Variants in STK38L observed in about 807,000 individuals in gnomAD.
STK38L encodes serine/threonine kinase 38 like.
A neutral mutation model predicts 59.7 loss-of-function variants in STK38L; 28 were observed. The ratio of observed to expected loss-of-function variants is 0.47; its 90% CI spans 0.35 to 0.64. The LOEUF (loss-of-function observed/expected upper bound fraction) is 0.64. STK38L is among the 30% of genes least tolerant of loss of function. The pLI, the probability that STK38L is intolerant of heterozygous loss-of-function variation, is 0.01. For missense variants in STK38L, 314 were observed against 555.8 expected (o/e 0.56, Z 4.37); for synonymous variants, 162 against 176.8 (o/e 0.92, Z 0.66).
Position 27,323,263 on chromosome 12 carries a change from CAA to C in STK38L, c.*809_*810del, listed in dbSNP as rs1388484050. The C allele has an allele frequency of 2.0e-5, 3 of 152,094 alleles. No individual in the cohort carries two copies. The highest frequency in any genetic ancestry group is 7.2e-5 in the African/African-American group (3 of 41,422). 9.4% of individuals were successfully genotyped at this position (152,094 alleles called of 1,614,324 possible). A position where few individuals can be genotyped will look rare whatever the true frequency, so the allele number is the denominator to read the frequency against. ...GTGACAAGAGAACTTCTTTTTTTAA[CAA>C]GAGGACATGGCATTATTTTAATTTG... On this transcript the variant is annotated 3_prime_UTR_variant, in exon 14 of 14. Coordinates refer to ENST00000389032, the MANE Select transcript of STK38L (RefSeq NM_015000.4).
chr12:27,311,722 T>TA (rs1275449786), intron 5 of STK38L, among the ~76,000 whole-genome samples: 1 of 149,880 alleles, frequency 6.7e-6, no homozygotes, highest in East Asian at 2.0e-4. Flanking sequence ...GTAGAGGTTT[T>TA]ATATTATAAC....
chr12:27,248,981 A>G (rs1031195141), intron 1 of STK38L, among the ~76,000 whole-genome samples: 2 of 152,188 alleles, frequency 1.3e-5, no homozygotes, highest in Non-Finnish European at 1.5e-5. Context: ...TCGCTTTGTT[A>G]TAAAAAGTTT....
At chr12:27,310,475 C>T (rs1944428533) in intron 5 of STK38L, among the ~76,000 whole-genome samples, 1 of 152,030 alleles carries the variant, frequency 6.6e-6, no homozygotes, top group Admixed American at 6.6e-5. Flanking sequence ...GCAGTTAGTT[C>T]CAGCTGTAGT....
intron 1 of STK38L, among the ~76,000 whole-genome samples, chr12:27,256,161 T>C (rs1313275529): frequency 6.6e-6 from 1 of 152,262 alleles, no homozygotes; most frequent in African/African-American, 2.4e-5. Flanking sequence ...ACTAGCCATC[T>C]TTCCCTGCTA....
In STK38L at chr12:27,322,581, A is replaced by G; in HGVS notation, c.*126A>G. The G allele has an allele frequency of 7.7e-7, 1 of 1,306,486 alleles. No homozygotes were observed. The allele number at this position is 1,306,486 out of a possible 1,614,324, so 80.9% of individuals were successfully genotyped here. ...TGGTGCTTATTGACTACAAGAGGAAATTCTACAGGATTAGGATTTCTAAGA... is the reference window on the plus strand; with the variant it reads ...TGGTGCTTATTGACTACAAGAGGAAGTTCTACAGGATTAGGATTTCTAAGA... On this transcript the variant is annotated 3_prime_UTR_variant, in exon 14 of 14. Transcript: ENST00000389032.
rs1464473205 is a variant in STK38L, at chr12:27,308,869, AATATAAATATATATAAATGTAAAT to A, written c.310-226_310-203del. On this transcript the variant is annotated intron_variant, in intron 4 of 13. Coordinates refer to ENST00000389032, the MANE Select transcript of STK38L (RefSeq NM_015000.4). This position sits in a 1 kb window ranked among gnomAD's most constrained non-coding sequence, Gnocchi z 4.5. Reference sequence around the variant, plus strand: ...ATGTATATATAAAAAAATATATATAAATATAAATATATATAAATGTAAATATATAAATATATATAAATATATATT... The same window carrying A: ...ATGTATATATAAAAAAATATATATAAATATAAATATATATAAATATATATT... Among the ~76,000 whole-genome samples the A allele has an allele frequency of 1.6e-5, 2 of 126,728 alleles. No individual in the cohort carries two copies. Among genetic ancestry groups the A allele is most frequent in the East Asian group, 2.1e-4 (1 of 4,770 alleles). 83.1% of individuals were successfully genotyped at this position (126,728 alleles called of 152,430 possible).
intron 1 of STK38L, among the ~76,000 whole-genome samples, chr12:27,270,729 G>T (rs377600039): frequency 6.6e-6 from 1 of 151,862 alleles, no homozygotes; most frequent in African/African-American, 2.4e-5. Context: ...GCCCAGGCTG[G>T]TCTTGAACTC....
At chr12:27,303,555 A>G (rs542845315) in intron 3 of STK38L, among the ~76,000 whole-genome samples, 1 of 152,324 alleles carries the variant, frequency 6.6e-6, no homozygotes, top group South Asian at 2.1e-4. Flanking sequence ...TAGAATAAAT[A>G]TTTGGTGAAT....
intron 1 of STK38L, among the ~76,000 whole-genome samples, chr12:27,274,880 C>T (rs569410128): frequency 2.6e-5 from 4 of 152,252 alleles, no homozygotes; most frequent in South Asian, 2.1e-4. Flanking sequence ...CAGTAATCTC[C>T]GCTAACCCTG....
chr12:27,290,456 T>A (rs1284898079), intron 1 of STK38L, among the ~76,000 whole-genome samples: 2 of 152,226 alleles, frequency 1.3e-5, no homozygotes, highest in African/African-American at 4.8e-5. Context: ...AGGATCAGCC[T>A]TAAACTAACT....
intron 1 of STK38L, among the ~76,000 whole-genome samples, chr12:27,291,914 T>C (rs1253340769): frequency 6.6e-6 from 1 of 152,226 alleles, no homozygotes; most frequent in Non-Finnish European, 1.5e-5. Flanking sequence ...CCTTTAGAAA[T>C]TTGATGGTAA....
intron 1 of STK38L, among the ~76,000 whole-genome samples, chr12:27,261,502 G>A (rs367693419): frequency 2.6e-5 from 4 of 152,110 alleles, no homozygotes; most frequent in African/African-American, 7.2e-5. Context: ...TTTCCCATTT[G>A]TTTTTCTGCA....
intron 1 of STK38L, among the ~76,000 whole-genome samples, chr12:27,251,327 C>T (rs1429874057): frequency 6.6e-6 from 1 of 152,156 alleles, no homozygotes; most frequent in Non-Finnish European, 1.5e-5. Context: ...TTGTATTACA[C>T]TTTATAGTTT....
chr12:27,271,397 C>G (rs1943419753), intron 1 of STK38L, among the ~76,000 whole-genome samples: 5 of 152,152 alleles, frequency 3.3e-5, no homozygotes, highest in Admixed American at 3.3e-4. Flanking sequence ...CTGGAGTTGC[C>G]TAATGGAAGT....
Position 27,315,377 on chromosome 12 carries a change from T to G in STK38L, c.837+27T>G, listed in dbSNP as rs144120604. 5.1e-4 allele frequency: 813 copies of G among 1,595,176 alleles called. 3 individuals are homozygous for G. The African/African-American group carries it at 9.6e-3, about 19-fold the overall frequency. ...TGAGTCAACCAGTTTTTAAGAGAAT[T>G]TTATGCCTTGGTTCTAAAATCTTAC... On this transcript the variant is annotated intron_variant, in intron 9 of 13. Transcript: ENST00000389032.
chr12:27,315,029 AT>A lies in STK38L; in HGVS notation c.688del (p.Ser230LeufsTer9), dbSNP rs752943884. On this transcript the variant is annotated frameshift_variant, in exon 8 of 14. Coordinates refer to ENST00000389032, the MANE Select transcript of STK38L (RefSeq NM_015000.4). LOFTEE classifies it high-confidence loss of function. Reference protein sequence around the residue: ...LLDAKGHVKLSDFGLCTGLKK... With the variant: ...LLDAKGHVKLXDFGLCTGLKK... ...TTTTTTTTTAGGGTCATGTAAAATT[AT>A]CTGATTTTGGTTTATGTACGGGATT... is the stretch of plus-strand genomic sequence containing the variant. 1 of 1,606,252 alleles carries A rather than the reference AT, an allele frequency of 6.2e-7. No homozygotes were observed. The highest frequency in any genetic ancestry group is 8.5e-7 in the Non-Finnish European group (1 of 1,177,838).
chr12:27,269,950 A>G (rs1464316025), intron 1 of STK38L, among the ~76,000 whole-genome samples: 1 of 152,164 alleles, frequency 6.6e-6, no homozygotes, highest in African/African-American at 2.4e-5. Flanking sequence ...GCCAACTTTC[A>G]ATCGTAAGTA....
intron 1 of STK38L, among the ~76,000 whole-genome samples, chr12:27,275,590 C>T (rs980530863): frequency 3.9e-5 from 6 of 151,988 alleles, no homozygotes; most frequent in South Asian, 2.1e-4. Context: ...CCGCTCACCT[C>T]GGCCTCCCAA....
At chr12:27,321,321 A>C (rs1165052592) in intron 12 of STK38L, among the ~76,000 whole-genome samples, 1 of 152,232 alleles carries the variant, frequency 6.6e-6, no homozygotes, top group Non-Finnish European at 1.5e-5. Context: ...TAGCATGATA[A>C]GAAGGCATTT....
Sources: allele counts gnomAD v4.1 joint callset (sites outside exome capture counted in the v4.1 genomes callset), GRCh38; gene constraint gnomAD v4.1.1; non-coding constraint Gnocchi (gnomAD v3.1); transcripts MANE v1.5; gene names NCBI Gene and HGNC (gene_info 2026-07-23, HGNC 2026-07-21).